CHSY3: variants seen among roughly 807,000 people sequenced by gnomAD.
CHSY3 encodes N-acetylgalactosaminyl-proteoglycan 3-beta-glucuronosyltransferase 3.
A neutral mutation model predicts 67.2 loss-of-function variants in CHSY3; 35 were observed. That is an observed-to-expected ratio of 0.52 (90% confidence interval 0.40 to 0.69). The LOEUF is 0.69. Ranked by LOEUF, CHSY3 falls within the 30% of genes least tolerant of loss-of-function variation. The pLI, the probability that CHSY3 is intolerant of heterozygous loss-of-function variation, is 0.00. For synonymous variants in CHSY3, 474 were observed against 434.7 expected (o/e 1.09, Z -1.12); for missense variants, 1,069 against 1,138.5 (o/e 0.94, Z 0.88).
chr5:130,006,360 A>G (rs1361674454), intron 2 of CHSY3, among the ~76,000 whole-genome samples: 1 of 152,190 alleles, frequency 6.6e-6, no homozygotes, highest in African/African-American at 2.4e-5. Flanking sequence ...AAGAAGTGTC[A>G]GGCTAAAGTG....
intron 2 of CHSY3, among the ~76,000 whole-genome samples, chr5:130,028,478 C>G (rs181922351): frequency 6.5e-4 from 99 of 152,264 alleles, no homozygotes; most frequent in Admixed American, 1.7e-3. Context: ...GAAACTGGAT[C>G]CCTTCCTTAC....
intron 2 of CHSY3, among the ~76,000 whole-genome samples, chr5:130,080,828 C>A (rs369542854): frequency 8.6e-5 from 13 of 151,996 alleles, no homozygotes; most frequent in African/African-American, 3.1e-4. Context: ...TCCCTTTCAC[C>A]CTCAAAAGGT....
At chr5:130,183,851 G>A (rs1047311277) in intron 2 of CHSY3, among the ~76,000 whole-genome samples, 4 of 151,916 alleles carry the variant, frequency 2.6e-5, no homozygotes, top group African/African-American at 4.8e-5. Context: ...GATGACTATA[G>A]TTAATAACTA....
intron 2 of CHSY3, among the ~76,000 whole-genome samples, chr5:130,054,809 C>T (rs1765476311): frequency 6.6e-6 from 1 of 152,140 alleles, no homozygotes; most frequent in African/African-American, 2.4e-5. Flanking sequence ...TCAGACTCCA[C>T]TAGTTATGTG....
At chr5:130,174,434 A>G (rs1015013524) in intron 2 of CHSY3, among the ~76,000 whole-genome samples, 2 of 152,114 alleles carry the variant, frequency 1.3e-5, no homozygotes, top group Non-Finnish European at 2.9e-5. Context: ...TTTACCCATG[A>G]TAGTATGGCC....
chr5:129,912,905 A>G (rs32228), intron 2 of CHSY3, among the ~76,000 whole-genome samples: 3,111 of 152,324 alleles, frequency 0.02, 47 homozygotes, highest in Non-Finnish European at 0.033. Flanking sequence ...TTAATAACCA[A>G]CAGACTTCAT....
At chr5:130,083,515 G>C (rs1224572749) in intron 2 of CHSY3, among the ~76,000 whole-genome samples, 7 of 151,924 alleles carry the variant, frequency 4.6e-5, no homozygotes, top group Non-Finnish European at 8.8e-5. Context: ...TCATTACCTA[G>C]CCATAAATAT....
At chr5:130,058,955 C>T (rs1765623174) in intron 2 of CHSY3, among the ~76,000 whole-genome samples, 1 of 152,104 alleles carries the variant, frequency 6.6e-6, no homozygotes, top group Admixed American at 6.5e-5. Context: ...TTTTATGAGA[C>T]ACTTGTCTTT....
At chr5:129,914,043 A>T (rs1190229757) in intron 2 of CHSY3, among the ~76,000 whole-genome samples, 1 of 152,226 alleles carries the variant, frequency 6.6e-6, no homozygotes, top group Non-Finnish European at 1.5e-5. Flanking sequence ...ACATATTTTT[A>T]AGGTTAAAAT....
rs186160203 is a variant in CHSY3 at position 130,020,284 on chromosome 5, G to A, written c.1086+111924G>A. Among the ~76,000 whole-genome samples, 570 of 151,690 alleles carry A rather than the reference G, an allele frequency of 3.8e-3. 7 individuals carry two copies. The highest frequency in any genetic ancestry group is 0.013 in the African/African-American group (537 of 41,332). ...AATACAAAAAAAATTAGCAGGGTGTGGTGGCTGGTGCCTGTAGTCCAGCTA... is the reference window on the plus strand; with the variant it reads ...AATACAAAAAAAATTAGCAGGGTGTAGTGGCTGGTGCCTGTAGTCCAGCTA... On this transcript the variant is annotated intron_variant, in intron 2 of 2. Coordinates refer to ENST00000305031, the MANE Select transcript of CHSY3 (RefSeq NM_175856.5).
chr5:130,140,649 T>G, intron 2 of CHSY3: 1 of 368,900 alleles, frequency 2.7e-6, no homozygotes, highest in South Asian at 5.0e-5. Context: ...TCAACCCTCA[T>G]TGTTTAGAAT....
At chr5:129,984,368 T>C (rs1257586175) in intron 2 of CHSY3, among the ~76,000 whole-genome samples, 1 of 152,168 alleles carries the variant, frequency 6.6e-6, no homozygotes, top group Non-Finnish European at 1.5e-5. Flanking sequence ...TCTCATTCTT[T>C]TTTATGGCTG....
rs1762747818 is a variant in CHSY3, at chr5:129,974,748, G to T, written c.1086+66388G>T. On this transcript the variant is annotated intron_variant, in intron 2 of 2. Transcript: ENST00000305031. Reference sequence around the variant, plus strand: ...ACAGCACATTGAAAATGTCACAGCTGATTTTACAGATTTCAGGACACCATA... The same window carrying T: ...ACAGCACATTGAAAATGTCACAGCTTATTTTACAGATTTCAGGACACCATA... 4 of 152,110 alleles carry T rather than the reference G, an allele frequency of 2.6e-5. No homozygotes were observed. The South Asian group carries it at 8.3e-4, about 32-fold the overall frequency. The allele number at this position is 152,110 out of a possible 1,614,324, so 9.4% of individuals were successfully genotyped here.
In CHSY3 at chr5:129,904,837, T is replaced by C; in HGVS notation, c.8T>C (p.Val3Ala). Reference protein sequence around the residue: MAVRSRRPWMSVA... With the variant: MAARSRRPWMSVA... Reference sequence around the variant, plus strand: ...GCGCCCGGGACAGCCGCGATGGCTGTGCGCTCTCGCCGCCCGTGGATGAGC... The same window carrying C: ...GCGCCCGGGACAGCCGCGATGGCTGCGCGCTCTCGCCGCCCGTGGATGAGC... Residue 3 changes from valine to alanine, a missense_variant, in exon 1 of 3, where the codon GTG becomes GCG. Val to Ala is a moderately conservative substitution (Grantham distance 64, BLOSUM62 0). Around this residue, in one of 5 missense-constraint regions of CHSY3, gnomAD observed 309 missense variants for 262.5 expected, o/e 1.18. Transcript: ENST00000305031. The C allele has an allele frequency of 6.9e-7, 1 of 1,439,030 alleles. No individual in the cohort carries two copies. The highest frequency in any genetic ancestry group is 1.5e-5 in the African/African-American group (1 of 68,220). The allele number at this position is 1,439,030 out of a possible 1,614,324, so 89.1% of individuals were successfully genotyped here. A position where few individuals can be genotyped will look rare whatever the true frequency, so the allele number is the denominator to read the frequency against.
intron 2 of CHSY3, among the ~76,000 whole-genome samples, chr5:130,174,089 A>G (rs566164640): frequency 6.6e-6 from 1 of 152,240 alleles, no homozygotes; most frequent in African/African-American, 2.4e-5. Context: ...TTTGCAAAGC[A>G]AATTACTGAA....
At chr5:129,995,145 G>A (rs1763497610) in intron 2 of CHSY3, among the ~76,000 whole-genome samples, 1 of 152,080 alleles carries the variant, frequency 6.6e-6, no homozygotes, top group Non-Finnish European at 1.5e-5. Flanking sequence ...GTGATGTGTA[G>A]AGGTCTCCCA....
chr5:130,075,969 G>A (rs1012108293), intron 2 of CHSY3, among the ~76,000 whole-genome samples: 2 of 151,978 alleles, frequency 1.3e-5, no homozygotes, highest in Non-Finnish European at 1.5e-5. Context: ...TTAAAATCTC[G>A]GTTATCTTTG....
intron 2 of CHSY3, among the ~76,000 whole-genome samples, chr5:130,000,073 T>G (rs1763674932): frequency 1.3e-5 from 2 of 152,196 alleles, no homozygotes; most frequent in Admixed American, 6.5e-5. Context: ...GTAAAAAGTA[T>G]TTTTTATGAG....
intron 2 of CHSY3, among the ~76,000 whole-genome samples, chr5:129,931,306 G>A (rs1450666614): frequency 1.3e-5 from 2 of 152,074 alleles, no homozygotes; most frequent in Non-Finnish European, 2.9e-5. Flanking sequence ...CTAAATGCGA[G>A]CCTATTAAAC....
Sources: allele counts gnomAD v4.1 joint callset (sites outside exome capture counted in the v4.1 genomes callset), GRCh38; gene constraint gnomAD v4.1.1; regional missense constraint gnomAD v4.1.1; transcripts MANE v1.5; gene names NCBI Gene and HGNC (gene_info 2026-07-23, HGNC 2026-07-21).